OPCML: variants seen among roughly 807,000 people sequenced by gnomAD.
OPCML encodes the protein opioid binding protein/cell adhesion molecule like.
Under a neutral mutation model 37.8 loss-of-function variants are expected in OPCML, and 13 were observed. The observed-to-expected ratio is 0.34, with a 90% CI of 0.22 to 0.55. The LOEUF (loss-of-function observed/expected upper bound fraction) is 0.55, where lower values mean the gene tolerates loss of function less well. OPCML is among the 20% of genes least tolerant of loss of function. The pLI, the probability that OPCML is intolerant of heterozygous loss-of-function variation, is 0.91. For synonymous variants in OPCML, 176 were observed against 168.8 expected (o/e 1.04, Z -0.33); for missense variants, 341 against 435.6 (o/e 0.78, Z 1.93).
At chr11:133,033,058 T>C (rs1947703449) in intron 1 of OPCML, among the ~76,000 whole-genome samples, 1 of 152,202 alleles carries the variant, frequency 6.6e-6, no homozygotes, top group Non-Finnish European at 1.5e-5. Context: ...ATTATTTATG[T>C]CCATTTGTTC....
intron 3 of OPCML, among the ~76,000 whole-genome samples, chr11:132,559,521 G>A (rs889115182): frequency 3.9e-5 from 6 of 152,126 alleles, no homozygotes; most frequent in Non-Finnish European, 7.4e-5. Flanking sequence ...CCGCTGGGGG[G>A]CATTCTGCTT....
At chr11:132,610,235 G>C (rs1938557301) in intron 3 of OPCML, among the ~76,000 whole-genome samples, 1 of 152,146 alleles carries the variant, frequency 6.6e-6, no homozygotes, top group Non-Finnish European at 1.5e-5. Flanking sequence ...ATATAACAGA[G>C]TGCTTACATC....
chr11:133,258,645 C>T (rs904012203), intron 1 of OPCML, among the ~76,000 whole-genome samples: 2 of 152,136 alleles, frequency 1.3e-5, no homozygotes, highest in African/African-American at 2.4e-5. Context: ...GAGCGTTTGC[C>T]GAGCTGGGTC....
At chr11:132,527,362 C>T (rs1215801502) in intron 4 of OPCML, among the ~76,000 whole-genome samples, 2 of 152,094 alleles carry the variant, frequency 1.3e-5, no homozygotes, top group Non-Finnish European at 2.9e-5. Flanking sequence ...ATATATAAAG[C>T]TTCAGTTGAT....
At chr11:132,856,357 C>G (rs895392398) in intron 2 of OPCML, among the ~76,000 whole-genome samples, 1 of 152,158 alleles carries the variant, frequency 6.6e-6, no homozygotes, top group Non-Finnish European at 1.5e-5. Flanking sequence ...AACAGTCACA[C>G]TGTTTTCCAA....
intron 2 of OPCML, among the ~76,000 whole-genome samples, chr11:132,916,584 G>A (rs550512580): frequency 6.6e-6 from 1 of 152,278 alleles, no homozygotes; most frequent in South Asian, 2.1e-4. Context: ...GCACCATGAG[G>A]ATATGAAAAC....
chr11:133,148,741 G>A (rs1254326397), intron 1 of OPCML, among the ~76,000 whole-genome samples: 1 of 152,174 alleles, frequency 6.6e-6, no homozygotes, highest in Non-Finnish European at 1.5e-5. Flanking sequence ...CAGAGACGAG[G>A]TCCAGAGTTT....
At chr11:132,892,102 T>C (rs1428354487) in intron 2 of OPCML, among the ~76,000 whole-genome samples, 2 of 152,226 alleles carry the variant, frequency 1.3e-5, no homozygotes, top group Non-Finnish European at 2.9e-5. Flanking sequence ...GGACTTCTCC[T>C]CCATCGCTTT....
intron 1 of OPCML, chr11:133,024,974 T>C: frequency 1.0e-6 from 1 of 985,426 alleles, no homozygotes; most frequent in South Asian, 4.7e-5. Flanking sequence ...TGAATCTGCA[T>C]TTTAACACAC....
At chr11:133,009,494 T>C in intron 1 of OPCML, among the ~76,000 whole-genome samples, 1 of 152,222 alleles carries the variant, frequency 6.6e-6, no homozygotes, top group East Asian at 1.9e-4. Flanking sequence ...TTTAATTCAG[T>C]AGCCATATAG....
intron 1 of OPCML, among the ~76,000 whole-genome samples, chr11:133,255,141 C>G (rs1565532053): frequency 1.3e-5 from 2 of 152,146 alleles, no homozygotes; most frequent in Non-Finnish European, 2.9e-5. Context: ...CCCTCTGCAC[C>G]TTTTTTTCTC....
chr11:133,082,463 TCCCCA>T (rs1948742445), intron 1 of OPCML, among the ~76,000 whole-genome samples: 1 of 33,798 alleles, frequency 3.0e-5, no homozygotes, highest in African/African-American at 1.2e-4. Flanking sequence ...CTCCCCATCC[TCCCCA>T]TCCTCCCCTC....
At chr11:132,979,128 G>A (rs535525087) in intron 1 of OPCML, among the ~76,000 whole-genome samples, 3 of 152,138 alleles carry the variant, frequency 2.0e-5, no homozygotes, top group African/African-American at 7.2e-5. Flanking sequence ...AAACACATTC[G>A]GAATCCCATG....
chr11:132,476,038 T>G (rs1431484737), intron 4 of OPCML, among the ~76,000 whole-genome samples: 4 of 152,198 alleles, frequency 2.6e-5, no homozygotes, highest in Non-Finnish European at 5.9e-5. Context: ...ATGTGTAGAA[T>G]CCTTAAAAGT....
chr11:133,210,693 T>C (rs1939319593), intron 1 of OPCML, among the ~76,000 whole-genome samples: 1 of 152,122 alleles, frequency 6.6e-6, no homozygotes. Context: ...TTTTTTTTTC[T>C]TTTGGGGTAA....
intron 2 of OPCML, among the ~76,000 whole-genome samples, chr11:132,679,455 C>G (rs1021829734): frequency 6.6e-6 from 1 of 152,180 alleles, no homozygotes; most frequent in Non-Finnish European, 1.5e-5. Context: ...GTGGATCAAC[C>G]TTGAAAACAC....
chr11:133,221,065 G>T (rs1190163850), intron 1 of OPCML, among the ~76,000 whole-genome samples: 4 of 152,148 alleles, frequency 2.6e-5, no homozygotes, highest in African/African-American at 9.7e-5. Context: ...AAACTATTTT[G>T]TAATGCTCAG....
At chr11:132,452,856 T>G (rs1400520136) in intron 4 of OPCML, among the ~76,000 whole-genome samples, 2 of 152,154 alleles carry the variant, frequency 1.3e-5, no homozygotes, top group East Asian at 3.9e-4. Context: ...AAATCAACCA[T>G]GAACACAAAC....
At chr11:132,442,908 A>G (rs142065392) in intron 4 of OPCML, among the ~76,000 whole-genome samples, 2 of 152,292 alleles carry the variant, frequency 1.3e-5, no homozygotes, top group East Asian at 3.9e-4. Context: ...CTTTATTAGC[A>G]GCGTAAGAAC....
Sources: allele counts gnomAD v4.1 joint callset (sites outside exome capture counted in the v4.1 genomes callset), GRCh38; gene constraint gnomAD v4.1.1; transcripts MANE v1.5; gene names NCBI Gene and HGNC (gene_info 2026-07-23, HGNC 2026-07-21).